The following PRPF8 variants were observed in gnomAD, a reference collection of about 807,000 sequenced individuals.
The protein encoded by PRPF8 is pre-mRNA processing factor 8.
In PRPF8, 64 loss-of-function variants were observed where a neutral mutation model predicts 285.9. That is an observed-to-expected ratio of 0.22 (90% CI 0.18 to 0.28). The LOEUF (loss-of-function observed/expected upper bound fraction) is 0.28, where lower values mean the gene tolerates loss of function less well. Among genes scored for constraint, PRPF8 ranks in the 10% least tolerant of loss-of-function variants. PRPF8 has a pLI of 1.00. For synonymous variants in PRPF8, 1,325 were observed against 1,118.2 expected (o/e 1.18, Z -3.69); for missense variants, 1,426 against 3,026.7 (o/e 0.47, Z 12.41).
chr17:1,661,221 G>T lies in PRPF8; in HGVS notation c.4338+50C>A, dbSNP rs192435065. ...GGTGCCTATTGCCCCAAGTTTCGGGGATAGCCATGGATTTTCCTGACTCAG... is the reference window on the plus strand; with the variant it reads ...GGTGCCTATTGCCCCAAGTTTCGGGTATAGCCATGGATTTTCCTGACTCAG... On this transcript the variant is annotated intron_variant, in intron 27 of 42. Coordinates refer to ENST00000304992, the MANE Select transcript of PRPF8 (RefSeq NM_006445.4). The surrounding 1 kb of genome is among the most constrained non-coding windows in gnomAD (Gnocchi z 7.3). The T allele has an allele frequency of 6.2e-7, 1 of 1,614,100 alleles. No individual in the cohort carries two copies. The highest frequency in any genetic ancestry group is 1.7e-5 in the Admixed American group (1 of 60,012).
chr17:1,667,338 A>G (rs1041201168), intron 24 of PRPF8, among the ~76,000 whole-genome samples: 1 of 152,204 alleles, frequency 6.6e-6, no homozygotes, highest in Non-Finnish European at 1.5e-5. Context: ...CTATCCCTGA[A>G]GGGGAGGAGG....
chr17:1,677,193 G>A lies in PRPF8; in HGVS notation c.1985-21C>T, dbSNP rs117197795. On this transcript the variant is annotated intron_variant, in intron 14 of 42. Transcript: ENST00000304992. ...TCGACCTGGAAGTAGAGTGTCCCAA[G>A]GGGATTACAAGGAAGATTCCTTGCT... The A allele has an allele frequency of 5.8e-3, 9,390 of 1,610,172 alleles. 36 individuals are homozygous for A. The highest frequency in any genetic ancestry group is 7.8e-3 in the Middle Eastern group (47 of 6,060).
At position 1,675,380 on chromosome 17, in the gene PRPF8, C is replaced by T. The variant is rs755442551; in HGVS notation, c.2873-41G>A. On this transcript the variant is annotated intron_variant, in intron 19 of 42. Coordinates refer to ENST00000304992, the MANE Select transcript of PRPF8 (RefSeq NM_006445.4). This position sits in a 1 kb window ranked among gnomAD's most constrained non-coding sequence, Gnocchi z 6.0. ...GCAGGTCTCCAGCAGGTTAGAAATC[C>T]TCTTGCAAGACTAGCCCCACAGGAA... The T allele has an allele frequency of 1.3e-5, 21 of 1,608,170 alleles. No homozygotes were observed. The South Asian group carries it at 1.8e-4, about 13-fold the overall frequency.
Position 1,679,548 on chromosome 17 carries a change from G to T in PRPF8, c.1289+61C>A. 2 of 1,603,826 alleles carry T rather than the reference G, an allele frequency of 1.2e-6. No individual in the cohort carries two copies. Among genetic ancestry groups the T allele is most frequent in the South Asian group, 1.1e-5 (1 of 89,412 alleles). ...AAAAAAAAGGCTACATGCCCACCTAGTTGGAGTCTTTTCTCCTACACATCC... is the reference window on the plus strand; with the variant it reads ...AAAAAAAAGGCTACATGCCCACCTATTTGGAGTCTTTTCTCCTACACATCC... On this transcript the variant is annotated intron_variant, in intron 9 of 42. Coordinates refer to ENST00000304992, the MANE Select transcript of PRPF8 (RefSeq NM_006445.4). This position sits in a 1 kb window ranked among gnomAD's most constrained non-coding sequence, Gnocchi z 4.7.
At position 1,679,001 on chromosome 17, in the gene PRPF8, G is replaced by A; in HGVS notation, c.1599+16C>T. 3 of 1,613,964 alleles carry A rather than the reference G, an allele frequency of 1.9e-6. No homozygotes were observed. Among genetic ancestry groups the A allele is most frequent in the Non-Finnish European group, 2.5e-6 (3 of 1,180,038 alleles). ...TCCTTGAAGCCCAGGAGGCCCCTAG[G>A]GTCCAATGCAGGCACCTTGGTGGTG... On this transcript the variant is annotated intron_variant, in intron 11 of 42. Transcript: ENST00000304992. The surrounding 1 kb of genome is among the most constrained non-coding windows in gnomAD (Gnocchi z 4.7).
chr17:1,682,997 A>G (rs767242395), intron 3 of PRPF8: 1 of 157,602 alleles, frequency 6.3e-6, no homozygotes, highest in East Asian at 1.7e-4. Flanking sequence ...CTTATTTTTC[A>G]TTTTTTTTTT....
At chr17:1,680,619 G>C in intron 8 of PRPF8, 107 bp downstream of exon 8, 2 of 1,035,904 alleles carry the variant, frequency 1.9e-6, no homozygotes, top group Non-Finnish European at 3.0e-6. Context: ...GGAACACTTA[G>C]CAAGACGGAA....
Position 1,679,921 on chromosome 17 carries a change from C to T in PRPF8, c.1099-122G>A, listed in dbSNP as rs1308463279. 1.7e-6 allele frequency: 2 copies of T among 1,171,234 alleles called. No individual in the cohort carries two copies. Among genetic ancestry groups the T allele is most frequent in the Non-Finnish European group, 2.6e-6 (2 of 782,538 alleles). The allele number at this position is 1,171,234 out of a possible 1,614,324, so 72.6% of individuals were successfully genotyped here. On this transcript the variant is annotated intron_variant, in intron 8 of 42. Transcript: ENST00000304992. This position sits in a 1 kb window ranked among gnomAD's most constrained non-coding sequence, Gnocchi z 4.7. ...CTGCTATGGAAACTGGGCTGTCTGA[C>T]AAAAGCAGCCCTGAAGTGCCAGCAC...
In PRPF8 at chr17:1,655,248, G is replaced by A. The variant is rs140881328; in HGVS notation, c.5987+102C>T. 5.2e-4 allele frequency: 691 copies of A among 1,337,994 alleles called. 6 individuals carry two copies. In the African/African-American group the frequency reaches 7.0e-3, roughly 13 times the overall value. 82.9% of individuals were successfully genotyped at this position (1,337,994 alleles called of 1,614,324 possible). A position where few individuals can be genotyped will look rare whatever the true frequency, so the allele number is the denominator to read the frequency against. On this transcript the variant is annotated intron_variant, in intron 37 of 42. Transcript: ENST00000304992. ...GCTGGGATTACAGGCATGAGCCACC[G>A]CGCCTGGCCTTCTTGAGAAACTTCT...
rs1398882549 is a variant in PRPF8 at position 1,680,998 on chromosome 17, A to G, written c.923T>C (p.Ile308Thr). ...DINKIIIRQP[I>T]RTEYKIAFPY... ...AAAAGCAATCTTGTACTCAGTGCGG[A>G]TAGGCTGCCGGATGATAATCTTGTT... is the stretch of plus-strand genomic sequence containing the variant. The change falls in exon 7 of 43, where the codon ATC (isoleucine) becomes ACC (threonine). Residue 308 changes from isoleucine (I) to threonine (T), a missense_variant. Coordinates refer to ENST00000304992, the MANE Select transcript of PRPF8 (RefSeq NM_006445.4). 1.2e-6 allele frequency: 2 copies of G among 1,613,316 alleles called. No individual in the cohort carries two copies. Among genetic ancestry groups the G allele is most frequent in the Non-Finnish European group, 1.7e-6 (2 of 1,179,292 alleles).
intron 14 of PRPF8, 104 bp from the exon 15 acceptor site, chr17:1,677,276 G>A: frequency 8.1e-7 from 1 of 1,232,954 alleles, no homozygotes; most frequent in Admixed American, 1.7e-5. Context: ...AATAAAATTA[G>A]GTATTAACAA....
At position 1,675,630 on chromosome 17, in the gene PRPF8, C is replaced by T; in HGVS notation, c.2862G>A (p.Lys954=). The change falls in exon 19 of 43, where the codon AAG becomes AAA. Residue 954 remains lysine (K), a synonymous_variant. Coordinates refer to ENST00000304992, the MANE Select transcript of PRPF8 (RefSeq NM_006445.4). This position sits in a 1 kb window ranked among gnomAD's most constrained non-coding sequence, Gnocchi z 6.0. ...TCATGAAAGTTCTACCTTGACACCA[C>T]TTGTAAACAAGCAGCGGAGGTGGTT... ...DTEPPPLLVY[K]WCQGINNLQD... The T allele has an allele frequency of 3.1e-6, 5 of 1,614,160 alleles. No homozygotes were observed. The highest frequency in any genetic ancestry group is 4.2e-6 in the Non-Finnish European group (5 of 1,180,028).
At chr17:1,677,217 C>T (rs748843468) in intron 14 of PRPF8, 45 bp from the exon 15 acceptor site, 7 of 1,558,868 alleles carry the variant, frequency 4.5e-6, no homozygotes, top group South Asian at 4.4e-5. Context: ...AGATTCCTTG[C>T]TTTCAATAAG....
In PRPF8 at chr17:1,653,403, T is replaced by G. The variant is rs1300873511; in HGVS notation, c.6369+139A>C. ...CTCATGGGGCCAAAACCCACCTCGT[T>G]GTTTTGGCTATCCTTGTATAATTAC... is the stretch of plus-strand genomic sequence containing the variant. On this transcript the variant is annotated intron_variant, in intron 39 of 42. Coordinates refer to ENST00000304992, the MANE Select transcript of PRPF8 (RefSeq NM_006445.4). The surrounding 1 kb of genome is among the most constrained non-coding windows in gnomAD (Gnocchi z 4.9). The G allele has an allele frequency of 1.1e-5, 13 of 1,229,202 alleles. No individual in the cohort carries two copies. In the Admixed American group the frequency reaches 1.5e-4, roughly 15 times the overall value. The allele number at this position is 1,229,202 out of a possible 1,614,324, so 76.1% of individuals were successfully genotyped here.
rs772175254 is a variant in PRPF8 at position 1,676,161 on chromosome 17, C to T, written c.2552+46G>A. On this transcript the variant is annotated intron_variant, in intron 17 of 42. Transcript: ENST00000304992. This position sits in a 1 kb window ranked among gnomAD's most constrained non-coding sequence, Gnocchi z 6.3. ...TTGGACTCTGAGGATGACGCCATTC[C>T]CTGCTGTCACCTTCCCAGCAGGAAC... The T allele has an allele frequency of 3.7e-6, 6 of 1,612,444 alleles. No individual in the cohort carries two copies. The highest frequency in any genetic ancestry group is 5.1e-6 in the Non-Finnish European group (6 of 1,179,950).
intron 24 of PRPF8, among the ~76,000 whole-genome samples, chr17:1,663,997 T>C (rs1911817586): frequency 6.6e-6 from 1 of 152,154 alleles, no homozygotes; most frequent in Admixed American, 6.6e-5. Flanking sequence ...TCAAAAATGA[T>C]GGACCTGAAA....
At chr17:1,677,521 T>C in intron 14 of PRPF8, 44 bp downstream of exon 14, 1 of 1,613,770 alleles carries the variant, frequency 6.2e-7, no homozygotes, top group Non-Finnish European at 8.5e-7. Context: ...CAGGTACTTT[T>C]GAAGCAATAA....
Position 1,679,893 on chromosome 17 carries a change from T to G in PRPF8, c.1099-94A>C. The G allele has an allele frequency of 7.0e-7, 1 of 1,435,706 alleles. No homozygotes were observed. The highest frequency in any genetic ancestry group is 9.8e-7 in the Non-Finnish European group (1 of 1,017,980). 88.9% of individuals were successfully genotyped at this position (1,435,706 alleles called of 1,614,324 possible). A position where few individuals can be genotyped will look rare whatever the true frequency, so the allele number is the denominator to read the frequency against. ...TCTCTGGGGCCAAGCACAAAGCCTG[T>G]ATCTGCTATGGAAACTGGGCTGTCT... On this transcript the variant is annotated intron_variant, in intron 8 of 42. Coordinates refer to ENST00000304992, the MANE Select transcript of PRPF8 (RefSeq NM_006445.4). This position sits in a 1 kb window ranked among gnomAD's most constrained non-coding sequence, Gnocchi z 4.7.
intron 24 of PRPF8, among the ~76,000 whole-genome samples, chr17:1,668,888 T>C (rs1179590245): frequency 6.6e-6 from 1 of 152,140 alleles, no homozygotes; most frequent in Non-Finnish European, 1.5e-5. Flanking sequence ...TCAGCAATCA[T>C]CATACCCTAA....
Sources: gnomAD v4.1 joint callset for allele counts (sites outside exome capture counted in the v4.1 genomes callset) on GRCh38, gnomAD v4.1.1 for gene constraint, Gnocchi (gnomAD v3.1) non-coding constraint, MANE v1.5 for transcripts, NCBI Gene and HGNC (gene_info 2026-07-23, HGNC 2026-07-21) for gene names.